Variants in NUDT17 observed in about 807,000 individuals in gnomAD.
NUDT17 encodes nudix hydrolase 17.
In NUDT17, 38 loss-of-function variants were observed where a neutral mutation model predicts 38.6. That is an observed-to-expected ratio of 0.98 (90% confidence interval 0.76 to 1.29). NUDT17 has a LOEUF of 1.29. Among genes scored for constraint, NUDT17 ranks in the 50% most tolerant of loss-of-function variants. The pLI, the probability that NUDT17 is intolerant of heterozygous loss-of-function variation, is 0.00. For missense variants in NUDT17, 462 were observed against 415.2 expected (o/e 1.11, Z -0.98); for synonymous variants, 192 against 167.8 (o/e 1.14, Z -1.11).
intron 6 of NUDT17, 66 bp downstream of exon 6, chr1:145,847,785 T>C (rs1652780150): frequency 1.3e-6 from 2 of 1,522,416 alleles, no homozygotes; most frequent in Non-Finnish European, 9.1e-7. Context: ...GTTCAGCGTC[T>C]ATCCTGTCCT....
chr1:145,847,034 A>G (rs1380213757), intron 4 of NUDT17, among the ~76,000 whole-genome samples: 1 of 152,194 alleles, frequency 6.6e-6, no homozygotes, highest in Non-Finnish European at 1.5e-5. Context: ...TCTACTAAAA[A>G]TACAAAAATT....
intron 4 of NUDT17, 30 bp from the exon 5 acceptor site, chr1:145,847,220 G>C: frequency 1.6e-6 from 2 of 1,248,666 alleles, no homozygotes; most frequent in South Asian, 1.4e-5. Context: ...GTGACGGAAA[G>C]TTCTCACTTT....
rs370441791 is a variant in NUDT17, at chr1:145,847,538, C to A, written c.595-45C>A. 5.6e-6 allele frequency: 9 copies of A among 1,607,492 alleles called. No individual in the cohort carries two copies. The African/African-American group carries it at 1.2e-4, about 21-fold the overall frequency. ...GTAGGTTTTGATCACGAACAGGCAG[C>A]CCAGGGAGAGGCAATGACTGAGGGG... is the stretch of plus-strand genomic sequence containing the variant. On this transcript the variant is annotated intron_variant, in intron 5 of 7. Transcript: ENST00000334513.
chr1:145,847,052 G>A (rs1553732691), intron 4 of NUDT17, among the ~76,000 whole-genome samples, 198 bp from the exon 5 acceptor site: 1 of 152,118 alleles, frequency 6.6e-6, no homozygotes, highest in Admixed American at 6.5e-5. Context: ...ATTTTAGCTG[G>A]GCGTGGCGGC....
chr1:145,848,173 C>T lies in NUDT17; in HGVS notation c.793C>T (p.Leu265=), dbSNP rs114612673. Residue 265 remains leucine, a synonymous_variant, in exon 7 of 8, where the codon CTG becomes TTG. Coordinates refer to ENST00000334513, the MANE Select transcript of NUDT17 (RefSeq NM_001012758.3). ...TCTGGTCCTGCACATGTCCACCCTC[C>T]TGCGGATGATCCCAACCATGGCAGA... is the stretch of plus-strand genomic sequence containing the variant. ...RPLVLHMSTL[L]RMIPTMAEDK... The T allele has an allele frequency of 1.4e-3, 2,205 of 1,614,190 alleles. 1 individual carries two copies. Among genetic ancestry groups the T allele is most frequent in the Non-Finnish European group, 1.8e-3 (2,098 of 1,180,016 alleles).
chr1:145,846,630 GGA>G lies in NUDT17; in HGVS notation c.439_440del (p.Ser147TrpfsTer24), dbSNP rs1430386264. The G allele has an allele frequency of 1.2e-5, 20 of 1,614,044 alleles. No individual in the cohort carries two copies. Among genetic ancestry groups the G allele is most frequent in the Non-Finnish European group, 1.6e-5 (19 of 1,179,990 alleles). ...ACGGAGGGCTTCGAGAACTTTGGGAGGAGAGTGGACTACACCTGCCCCAGGGC... is the reference window on the plus strand; with the variant it reads ...ACGGAGGGCTTCGAGAACTTTGGGAGGAGTGGACTACACCTGCCCCAGGGC... ...LDGGLRELWE[E>X]SGLHLPQGQF... is the part of the protein sequence containing the mutation. On this transcript the variant is annotated frameshift_variant, in exon 4 of 8. Transcript: ENST00000334513. LOFTEE classifies it high-confidence loss of function.
At chr1:145,845,856 C>G (rs1553732198) in intron 1 of NUDT17, 24 bp downstream of exon 1, 3 of 1,564,708 alleles carry the variant, frequency 1.9e-6, no homozygotes, top group South Asian at 1.2e-5. Flanking sequence ...GGCCCCAGAG[C>G]GGGGGCAGTG....
At position 145,845,998 on chromosome 1, in the gene NUDT17, G is replaced by A. The variant is rs782498501; in HGVS notation, c.193-15G>A. ...CCCTTCTGAAGCCTTAACCCAGCTG[G>A]CTTCCTTCTGCCAGCGACCCCCTTT... On this transcript the variant is annotated splice_polypyrimidine_tract_variant and intron_variant, in intron 1 of 7. Coordinates refer to ENST00000334513, the MANE Select transcript of NUDT17 (RefSeq NM_001012758.3). The A allele has an allele frequency of 5.0e-6, 8 of 1,589,678 alleles. No homozygotes were observed. The South Asian group carries it at 8.0e-5, about 16-fold the overall frequency.
rs1035159901 is a variant in NUDT17, at chr1:145,846,020, C to G, written c.200C>G (p.Pro67Arg). 1 of 1,601,246 alleles carries G rather than the reference C, an allele frequency of 6.2e-7. No homozygotes were observed. Among genetic ancestry groups the G allele is most frequent in the Non-Finnish European group, 8.5e-7 (1 of 1,174,698 alleles). The change falls in exon 2 of 8, where the codon CCT (proline) becomes CGT (arginine). Residue 67 changes from proline (P) to arginine (R), a missense_variant. Pro to Arg is a moderately radical substitution (Grantham distance 103). Coordinates refer to ENST00000334513, the MANE Select transcript of NUDT17 (RefSeq NM_001012758.3). ...CTGGCTTCCTTCTGCCAGCGACCCC[C>G]TTTCTGCCCTTTTGCGGCCCTGGAG... Reference protein sequence around the residue: ...ASARLPLQRPPFCPFAALEER... With the variant: ...ASARLPLQRPRFCPFAALEER...
intron 1 of NUDT17, 25 bp from the exon 2 acceptor site, chr1:145,845,988 A>C (rs782673986): frequency 6.3e-7 from 1 of 1,582,510 alleles, no homozygotes; most frequent in South Asian, 1.2e-5. Context: ...CTGAAGCCTT[A>C]ACCCAGCTGG....
chr1:145,845,887 G>T, intron 1 of NUDT17, 55 bp downstream of exon 1: 1 of 1,537,898 alleles, frequency 6.5e-7, no homozygotes, highest in Non-Finnish European at 8.8e-7. Context: ...GATGGGGACT[G>T]AAATCGGGTG....
In NUDT17 at chr1:145,848,564, C is replaced by G. The variant is rs1652826214; in HGVS notation, c.*85C>G. On this transcript the variant is annotated 3_prime_UTR_variant, in exon 8 of 8. Coordinates refer to ENST00000334513, the MANE Select transcript of NUDT17 (RefSeq NM_001012758.3). ...ATTATGGGTGAGAGCTTCACTACAA[C>G]TTTAGAAATAAAAAGTAAAATTACA... 3.1e-6 allele frequency: 3 copies of G among 965,138 alleles called. No homozygotes were observed. Among genetic ancestry groups the G allele is most frequent in the Non-Finnish European group, 3.2e-6 (2 of 624,322 alleles). 59.8% of individuals were successfully genotyped at this position (965,138 alleles called of 1,614,324 possible). A position where few individuals can be genotyped will look rare whatever the true frequency, so the allele number is the denominator to read the frequency against.
rs782117564 is a variant in NUDT17 at position 145,847,616 on chromosome 1, G to A, written c.628G>A (p.Ala210Thr). 2.2e-5 allele frequency: 35 copies of A among 1,613,886 alleles called. No homozygotes were observed. Among genetic ancestry groups the A allele is most frequent in the East Asian group, 6.7e-5 (3 of 44,880 alleles). ...CCAACCAAACCCAAATGAGGTGAGCGCCCTTATGTGGCTGACACCAGATGT... is the reference window on the plus strand; with the variant it reads ...CCAACCAAACCCAAATGAGGTGAGCACCCTTATGTGGCTGACACCAGATGT... ...RIQPNPNEVSALMWLTPDVAA... is the reference protein window; with the variant it reads ...RIQPNPNEVSTLMWLTPDVAA... Residue 210 changes from alanine (A) to threonine (T), a missense_variant, in exon 6 of 8, where the codon GCC becomes ACC. Coordinates refer to ENST00000334513, the MANE Select transcript of NUDT17 (RefSeq NM_001012758.3).
chr1:145,848,119 G>C lies in NUDT17; in HGVS notation c.739G>C (p.Glu247Gln). The change falls in exon 7 of 8, where the codon GAA (glutamate) becomes CAA (glutamine). Residue 247 changes from glutamate to glutamine, a missense_variant. Glu to Gln is a conservative substitution (Grantham distance 29). Transcript: ENST00000334513. ...QDLPPSVLAV[E>Q]LEEDGRARPL... The stretch of plus-strand genomic sequence containing the variant: ...GGAGTTGTCACCATGCAGTGCAGTG[G>C]AACTAGAGGAGGATGGAAGAGCCCG... 1 of 1,613,520 alleles carries C rather than the reference G, an allele frequency of 6.2e-7. No homozygotes were observed. The highest frequency in any genetic ancestry group is 8.5e-7 in the Non-Finnish European group (1 of 1,179,960).
chr1:145,846,192 C>T lies in NUDT17; in HGVS notation c.372C>T (p.Pro124=), dbSNP rs1553732440. ...GCGTTTCCCCCAACCTCTGGGTACCCCCGGGTGAGTATTCTGGGGACAAGG... is the reference window on the plus strand; with the variant it reads ...GCGTTTCCCCCAACCTCTGGGTACCTCCGGGTGAGTATTCTGGGGACAAGG... ...TLSVSPNLWV[P]PGGHVELEEE... The change falls in exon 2 of 8, where the codon CCC becomes CCT. Residue 124 remains proline, a synonymous_variant. Coordinates refer to ENST00000334513, the MANE Select transcript of NUDT17 (RefSeq NM_001012758.3). 1.3e-6 allele frequency: 2 copies of T among 1,584,182 alleles called. No homozygotes were observed. The highest frequency in any genetic ancestry group is 1.7e-6 in the Non-Finnish European group (2 of 1,165,036).
rs782700883 is a variant in NUDT17, at chr1:145,848,140, G to A, written c.760G>A (p.Ala254Thr). The A allele has an allele frequency of 3.4e-5, 55 of 1,613,808 alleles. 1 individual carries two copies. In the South Asian group the frequency reaches 4.1e-4, roughly 12 times the overall value. The change falls in exon 7 of 8, where the codon GCC (alanine) becomes ACC (threonine). Residue 254 changes from alanine (A) to threonine (T), a missense_variant. By Grantham distance (58) the Ala-to-Thr change is moderately conservative. Transcript: ENST00000334513. The stretch of plus-strand genomic sequence containing the variant: ...AGTGGAACTAGAGGAGGATGGAAGA[G>A]CCCGACCTCTGGTCCTGCACATGTC... ...LAVELEEDGR[A>T]RPLVLHMSTL...
rs782453960 is a variant in NUDT17 at position 145,847,258 on chromosome 1, C to CCCTCCTAGTCAG, written c.512_513insTCAGCCTCCTAG (p.Pro170_Arg171insSerGlnProPro). 6.3e-7 allele frequency: 1 copy of CCCTCCTAGTCAG among 1,592,626 alleles called. No homozygotes were observed. Among genetic ancestry groups the CCCTCCTAGTCAG allele is most frequent in the South Asian group, 1.1e-5 (1 of 88,742 alleles). ...CTGTTTTCTTTTCCTAGTCTGCCTA[C>CCCTCCTAGTCAG]CCTCCTAGGCTGAGCTGGGGTTTAC... On this transcript the variant is annotated inframe_insertion, in exon 5 of 8. Transcript: ENST00000334513.
rs1446352958 is a variant in NUDT17, at chr1:145,845,739, C to T, written c.99C>T (p.Leu33=). The T allele has an allele frequency of 1.3e-6, 2 of 1,565,806 alleles. No homozygotes were observed. The highest frequency in any genetic ancestry group is 1.9e-5 in the Admixed American group (1 of 52,744). Reference sequence around the variant, plus strand: ...GCCTCCTGGGAGCCGGACCAGGGCTCGGGACGTGGCCCATTCACTGCAGCT... The same window carrying T: ...GCCTCCTGGGAGCCGGACCAGGGCTTGGGACGTGGCCCATTCACTGCAGCT... ...VCGLLGAGPG[L]GTWPIHCSLK... is the part of the protein sequence containing the mutation. The change falls in exon 1 of 8, where the codon CTC becomes CTT. Residue 33 remains leucine, a synonymous_variant. Transcript: ENST00000334513.
intron 4 of NUDT17, among the ~76,000 whole-genome samples, 154 bp from the exon 5 acceptor site, chr1:145,847,096 A>G (rs1275264661): frequency 4.6e-5 from 7 of 152,026 alleles, no homozygotes; most frequent in African/African-American, 1.7e-4. Flanking sequence ...CTGGAGGCTG[A>G]GGCTGGAGAA....
Sources: allele counts gnomAD v4.1 joint callset (sites outside exome capture counted in the v4.1 genomes callset), GRCh38; gene constraint gnomAD v4.1.1; transcripts MANE v1.5; gene names NCBI Gene and HGNC (gene_info 2026-07-23, HGNC 2026-07-21).